FOXK1: variants seen among roughly 807,000 people sequenced by gnomAD.
The protein encoded by FOXK1 is forkhead box protein K1.
Under a neutral mutation model 51.9 loss-of-function variants are expected in FOXK1, and 19 were observed. The observed-to-expected ratio is 0.37, with a 90% CI of 0.26 to 0.54. The LOEUF (loss-of-function observed/expected upper bound fraction) is 0.54. FOXK1 is among the 20% of genes least tolerant of loss of function. The pLI is 0.87. For missense variants in FOXK1, 870 were observed against 1,032.7 expected, an observed-to-expected ratio of 0.84 and a Z score of 2.16; for synonymous variants, 537 against 482.6, an observed-to-expected ratio of 1.11 and a Z score of -1.48.
Position 4,755,464 on chromosome 7 carries a change from A to T in FOXK1, c.1050+81A>T. ...TCACAGGCATATTGCTTCCCTTAAA[A>T]CAGAAGAGGGCCAGTGAGGGGGCTC... On this transcript the variant is annotated intron_variant, in intron 4 of 8. Coordinates refer to ENST00000328914, the MANE Select transcript of FOXK1 (RefSeq NM_001037165.2). The surrounding 1 kb of genome is among the most constrained non-coding windows in gnomAD (Gnocchi z 6.6). The T allele has an allele frequency of 6.4e-7, 1 of 1,553,332 alleles. No individual in the cohort carries two copies. Among genetic ancestry groups the T allele is most frequent in the Non-Finnish European group, 8.7e-7 (1 of 1,145,278 alleles).
chr7:4,685,381 AT>A (rs1779806450), intron 1 of FOXK1, among the ~76,000 whole-genome samples: 1 of 151,748 alleles, frequency 6.6e-6, no homozygotes, highest in African/African-American at 2.4e-5. Context: ...CGCCCAGCTA[AT>A]TCTTTGTATT....
intron 2 of FOXK1, among the ~76,000 whole-genome samples, chr7:4,742,122 C>T (rs1356054882): frequency 1.3e-5 from 2 of 152,264 alleles, no homozygotes; most frequent in Non-Finnish European, 2.9e-5. Flanking sequence ...CCAGCAGTTT[C>T]TGCGTCGCTC....
Position 4,730,823 on chromosome 7 carries a change from T to G in FOXK1, c.561-10015T>G, listed in dbSNP as rs1780442624. Among the ~76,000 whole-genome samples the G allele has an allele frequency of 6.6e-6, 1 of 152,196 alleles. No individual in the cohort carries two copies. Among genetic ancestry groups the G allele is most frequent in the African/African-American group, 2.4e-5 (1 of 41,450 alleles). On this transcript the variant is annotated intron_variant, in intron 1 of 8. Transcript: ENST00000328914. The surrounding 1 kb of genome is among the most constrained non-coding windows in gnomAD (Gnocchi z 4.7). ...TATTTTAGGTTAAAAAATTTAAGGT[T>G]GTCAGAATTCTCTGATTTGGGGATT...
Position 4,759,019 on chromosome 7 carries a change from G to A in FOXK1, c.1245-32G>A, listed in dbSNP as rs772443827. ...CGTCCTCGCATCCCTCAGCGCGGGC[G>A]CTGACTGCCGCGGCCCTTGCCTGTC... On this transcript the variant is annotated intron_variant, in intron 5 of 8. Coordinates refer to ENST00000328914, the MANE Select transcript of FOXK1 (RefSeq NM_001037165.2). The A allele has an allele frequency of 4.8e-5, 75 of 1,551,658 alleles. 1 individual carries two copies. The Admixed American group carries it at 1.1e-3, about 23-fold the overall frequency.
Position 4,765,779 on chromosome 7 carries a change from C to T in FOXK1, c.*3315C>T, listed in dbSNP as rs1305377396. On this transcript the variant is annotated 3_prime_UTR_variant, in exon 9 of 9. Coordinates refer to ENST00000328914, the MANE Select transcript of FOXK1 (RefSeq NM_001037165.2). ...GATAAATTGCCAGGTTTATCAAATA[C>T]AAGAAAACACCTGCTTTGGCTAGGA... The T allele has an allele frequency of 6.6e-6, 1 of 152,286 alleles. No homozygotes were observed. The highest frequency in any genetic ancestry group is 1.5e-5 in the Non-Finnish European group (1 of 68,068). 9.4% of individuals were successfully genotyped at this position (152,286 alleles called of 1,614,324 possible). A position where few individuals can be genotyped will look rare whatever the true frequency, so the allele number is the denominator to read the frequency against.
intron 1 of FOXK1, among the ~76,000 whole-genome samples, chr7:4,708,932 G>T (rs1697817648): frequency 6.6e-6 from 1 of 152,080 alleles, no homozygotes; most frequent in Admixed American, 6.6e-5. Context: ...GGGCGTGATG[G>T]CGTGTGCCTG....
chr7:4,684,102 T>G (rs1779789448), intron 1 of FOXK1, among the ~76,000 whole-genome samples: 1 of 152,202 alleles, frequency 6.6e-6, no homozygotes. Flanking sequence ...CCAGCTCCAC[T>G]GCCCTCCGCA....
chr7:4,731,642 C>T lies in FOXK1; in HGVS notation c.561-9196C>T, dbSNP rs912484390. 6.6e-6 allele frequency among the ~76,000 whole-genome samples: 1 copy of T among 151,934 alleles called. No individual in the cohort carries two copies. The highest frequency in any genetic ancestry group is 2.4e-5 in the African/African-American group (1 of 41,340). On this transcript the variant is annotated intron_variant, in intron 1 of 8. Coordinates refer to ENST00000328914, the MANE Select transcript of FOXK1 (RefSeq NM_001037165.2). The surrounding 1 kb of genome is among the most constrained non-coding windows in gnomAD (Gnocchi z 5.3). Reference sequence around the variant, plus strand: ...GGGCATGGTGGTGGGCACCTGTAATCCCAGCTACTCGGGAGGCTGAGGCAG... The same window carrying T: ...GGGCATGGTGGTGGGCACCTGTAATTCCAGCTACTCGGGAGGCTGAGGCAG...
intron 1 of FOXK1, among the ~76,000 whole-genome samples, chr7:4,737,977 C>A (rs1780577320): frequency 6.6e-6 from 1 of 151,902 alleles, no homozygotes; most frequent in Non-Finnish European, 1.5e-5. Context: ...ACAAAATTAG[C>A]TGGGCGTGGT....
At position 4,762,072 on chromosome 7, in the gene FOXK1, T is replaced by G; in HGVS notation, c.1922-112T>G. On this transcript the variant is annotated intron_variant, in intron 8 of 8. Transcript: ENST00000328914. This position sits in a 1 kb window ranked among gnomAD's most constrained non-coding sequence, Gnocchi z 5.7. ...GGGTAGCCGTCCTGCCTGGCAGGGG[T>G]GCACTGACCTCCGGTTCCGGCTTGG... The G allele has an allele frequency of 1.6e-6, 2 of 1,269,544 alleles. No individual in the cohort carries two copies. The allele number at this position is 1,269,544 out of a possible 1,614,324, so 78.6% of individuals were successfully genotyped here.
Position 4,731,362 on chromosome 7 carries a change from G to C in FOXK1, c.561-9476G>C, listed in dbSNP as rs1780474420. Among the ~76,000 whole-genome samples, 7 of 152,220 alleles carry C rather than the reference G, an allele frequency of 4.6e-5. No individual in the cohort carries two copies. Among genetic ancestry groups the C allele is most frequent in the Admixed American group, 4.6e-4 (7 of 15,288 alleles). ...GTATCCTAAAGACACGTTGCAGCCT[G>C]CAAAATTCGAAAAGTACCTGGAGTA... On this transcript the variant is annotated intron_variant, in intron 1 of 8. Coordinates refer to ENST00000328914, the MANE Select transcript of FOXK1 (RefSeq NM_001037165.2). The surrounding 1 kb of genome is among the most constrained non-coding windows in gnomAD (Gnocchi z 5.3).
In FOXK1 at chr7:4,683,679, T is replaced by C. The variant is rs1779782422; in HGVS notation, c.560+811T>C. On this transcript the variant is annotated intron_variant, in intron 1 of 8. Coordinates refer to ENST00000328914, the MANE Select transcript of FOXK1 (RefSeq NM_001037165.2). This position sits in a 1 kb window ranked among gnomAD's most constrained non-coding sequence, Gnocchi z 4.5. ...CAGCCAGGGCCTCAAGTCACCCCAGTGCCTGATGCCTGCCGTCCTGGACCC... is the reference window on the plus strand; with the variant it reads ...CAGCCAGGGCCTCAAGTCACCCCAGCGCCTGATGCCTGCCGTCCTGGACCC... 6.6e-6 allele frequency among the ~76,000 whole-genome samples: 1 copy of C among 151,920 alleles called. No homozygotes were observed. The highest frequency in any genetic ancestry group is 2.4e-5 in the African/African-American group (1 of 41,366).
intron 1 of FOXK1, among the ~76,000 whole-genome samples, chr7:4,736,264 G>A (rs914348995): frequency 6.6e-6 from 1 of 152,140 alleles, no homozygotes; most frequent in African/African-American, 2.4e-5. Context: ...AATATTTATT[G>A]TTAAACTTTA....
intron 1 of FOXK1, among the ~76,000 whole-genome samples, chr7:4,705,913 C>G (rs1326180309): frequency 6.8e-6 from 1 of 146,788 alleles, no homozygotes; most frequent in African/African-American, 2.5e-5. Flanking sequence ...GGTTATATAT[C>G]TATATAAACT....
At chr7:4,721,283 C>T (rs1388374218) in intron 1 of FOXK1, among the ~76,000 whole-genome samples, 1 of 152,118 alleles carries the variant, frequency 6.6e-6, no homozygotes, top group African/African-American at 2.4e-5. Context: ...GCCTTGGAAA[C>T]CCCCCGGAGC....
At position 4,715,758 on chromosome 7, in the gene FOXK1, T is replaced by A. The variant is rs1423382660; in HGVS notation, c.561-25080T>A. Among the ~76,000 whole-genome samples the A allele has an allele frequency of 6.6e-6, 1 of 152,156 alleles. No homozygotes were observed. The highest frequency in any genetic ancestry group is 2.4e-5 in the African/African-American group (1 of 41,430). On this transcript the variant is annotated intron_variant, in intron 1 of 8. Transcript: ENST00000328914. The surrounding 1 kb of genome is among the most constrained non-coding windows in gnomAD (Gnocchi z 4.5). ...AAGCCAGCTCCGGGCACCCTGAGGT[T>A]CCCTCACAGCGAATCCACCGAAGAG...
Position 4,709,451 on chromosome 7 carries a change from G to A in FOXK1, c.560+26583G>A, listed in dbSNP as rs1583189188. 2.6e-5 allele frequency among the ~76,000 whole-genome samples: 4 copies of A among 152,126 alleles called. No homozygotes were observed. The South Asian group carries it at 6.2e-4, about 24-fold the overall frequency. Reference sequence around the variant, plus strand: ...CCACATAGGCTGCTTATCTGGACTCGATGTCTCCGAGCAGATCGAGGCTGG... The same window carrying A: ...CCACATAGGCTGCTTATCTGGACTCAATGTCTCCGAGCAGATCGAGGCTGG... On this transcript the variant is annotated intron_variant, in intron 1 of 8. Transcript: ENST00000328914. The surrounding 1 kb of genome is among the most constrained non-coding windows in gnomAD (Gnocchi z 5.6).
At chr7:4,700,224 G>T (rs930781406) in intron 1 of FOXK1, among the ~76,000 whole-genome samples, 2 of 152,138 alleles carry the variant, frequency 1.3e-5, no homozygotes, top group Non-Finnish European at 2.9e-5. Context: ...CGTTTTTCTT[G>T]TTTATTGCAT....
chr7:4,706,053 T>TACGTATATATAC (rs1469959937), intron 1 of FOXK1, among the ~76,000 whole-genome samples: 2 of 124,934 alleles, frequency 1.6e-5, no homozygotes, highest in African/African-American at 8.7e-5. Flanking sequence ...CGTGTATATA[T>TACGTATATATAC]GTATATATAT....
Sources: gnomAD v4.1 joint callset for allele counts (sites outside exome capture counted in the v4.1 genomes callset) on GRCh38, gnomAD v4.1.1 for gene constraint, Gnocchi (gnomAD v3.1) non-coding constraint, MANE v1.5 for transcripts, NCBI Gene and HGNC (gene_info 2026-07-23, HGNC 2026-07-21) for gene names.